DAP: variants seen among roughly 807,000 people sequenced by gnomAD.
DAP encodes death associated protein.
In DAP, 8 loss-of-function variants were observed where a neutral mutation model predicts 13.8. The observed-to-expected ratio is 0.58, with a 90% CI of 0.34 to 1.05. The LOEUF (loss-of-function observed/expected upper bound fraction) is 1.05. Ranked by LOEUF, DAP falls within the 50% of genes least tolerant of loss-of-function variation. The pLI, the probability that DAP is intolerant of heterozygous loss-of-function variation, is 0.03. For synonymous variants in DAP, 47 were observed against 47.5 expected (o/e 0.99, Z 0.04); for missense variants, 106 against 133.2 (o/e 0.80, Z 1.01).
chr5:10,721,185 T>C (rs1231941188), intron 2 of DAP, among the ~76,000 whole-genome samples: 1 of 152,194 alleles, frequency 6.6e-6, no homozygotes, highest in African/African-American at 2.4e-5. Context: ...CTCCAATATA[T>C]GTTACTGTTT....
chr5:10,693,122 A>ATG lies in DAP; in HGVS notation c.153-9552_153-9551insCA, dbSNP rs1553999137. ...TTCTGGGATGGGGAGAAACATGCAC[A>ATG]CGCACACACACACACACACACACAC... On this transcript the variant is annotated intron_variant, in intron 2 of 3. Coordinates refer to ENST00000230895, the MANE Select transcript of DAP (RefSeq NM_004394.3). 2.6e-4 allele frequency among the ~76,000 whole-genome samples: 11 copies of ATG among 42,348 alleles called. No individual in the cohort carries two copies. The Admixed American group carries it at 2.7e-3, about 10-fold the overall frequency. 27.8% of individuals were successfully genotyped at this position (42,348 alleles called of 152,430 possible).
At chr5:10,689,881 G>A (rs1738260053) in intron 2 of DAP, among the ~76,000 whole-genome samples, 1 of 152,152 alleles carries the variant, frequency 6.6e-6, no homozygotes, top group South Asian at 2.1e-4. Flanking sequence ...GACAGGGAAT[G>A]TCACTCAGTG....
intron 1 of DAP, among the ~76,000 whole-genome samples, chr5:10,751,723 TCTCTATAAGAGA>T (rs1265239155): frequency 6.6e-6 from 1 of 152,082 alleles, no homozygotes; most frequent in Non-Finnish European, 1.5e-5. Context: ...AGAAATGGTG[TCTCTATAAGAGA>T]AAGAGACACC....
chr5:10,688,943 A>C (rs62337568), intron 2 of DAP, among the ~76,000 whole-genome samples: 1 of 152,048 alleles, frequency 6.6e-6, no homozygotes, highest in African/African-American at 2.4e-5. Context: ...GCTATCAGGA[A>C]TCTGTCTCCA....
At chr5:10,709,800 A>G (rs147399415) in intron 2 of DAP, among the ~76,000 whole-genome samples, 2 of 152,356 alleles carry the variant, frequency 1.3e-5, no homozygotes, top group Non-Finnish European at 2.9e-5. Flanking sequence ...CCCACCTGGA[A>G]CATGTCCCAG....
chr5:10,692,527 C>T (rs1738332368), intron 2 of DAP, among the ~76,000 whole-genome samples: 1 of 152,200 alleles, frequency 6.6e-6, no homozygotes, highest in African/African-American at 2.4e-5. Context: ...CGCTCTTCCA[C>T]AGGACAGTCC....
intron 1 of DAP, among the ~76,000 whole-genome samples, chr5:10,760,373 GGCT>G (rs1379741345): frequency 1.3e-5 from 2 of 152,128 alleles, no homozygotes; most frequent in African/African-American, 4.8e-5. Context: ...GAAGCATGAA[GGCT>G]GCTTAGATCC....
intron 2 of DAP, among the ~76,000 whole-genome samples, chr5:10,701,666 G>A (rs1345633177): frequency 6.6e-6 from 1 of 152,154 alleles, no homozygotes; most frequent in Admixed American, 6.5e-5. Context: ...ACCAGTAGAG[G>A]GAGAATGAAC....
At chr5:10,700,351 C>A (rs944112929) in intron 2 of DAP, among the ~76,000 whole-genome samples, 4 of 152,174 alleles carry the variant, frequency 2.6e-5, no homozygotes, top group Non-Finnish European at 4.4e-5. Context: ...CCACCACCAT[C>A]TCTAAGGACA....
chr5:10,734,048 G>A (rs1242084809), intron 2 of DAP: 2 of 152,218 alleles, frequency 1.3e-5, no homozygotes, highest in African/African-American at 4.8e-5. Flanking sequence ...ATATGTTTAT[G>A]TAGTAAGAAA....
rs1054478354 is a variant in DAP, at chr5:10,707,087, C to T, written c.153-23516G>A. Among the ~76,000 whole-genome samples, 10 of 152,154 alleles carry T rather than the reference C, an allele frequency of 6.6e-5. No individual in the cohort carries two copies. The highest frequency in any genetic ancestry group is 3.3e-4 in the Admixed American group (5 of 15,274). On this transcript the variant is annotated intron_variant, in intron 2 of 3. Transcript: ENST00000230895. The surrounding 1 kb of genome is among the most constrained non-coding windows in gnomAD (Gnocchi z 4.0). ...GCCATGGGTCTGTCCCCAAGTCAGT[C>T]GGCCAGTTTGCAACGTCTGAGGTGG... is the stretch of plus-strand genomic sequence containing the variant.
At chr5:10,686,723 C>T (rs534471213) in intron 2 of DAP, among the ~76,000 whole-genome samples, 1 of 152,278 alleles carries the variant, frequency 6.6e-6, no homozygotes, top group South Asian at 2.1e-4. Flanking sequence ...GAAGCCATCT[C>T]CAGAAGATAA....
chr5:10,703,713 T>C (rs1738634157), intron 2 of DAP, among the ~76,000 whole-genome samples: 1 of 152,252 alleles, frequency 6.6e-6, no homozygotes, highest in Non-Finnish European at 1.5e-5. Flanking sequence ...ACTGCTGGCT[T>C]TGGCAGTAGC....
At chr5:10,712,186 G>A (rs987715577) in intron 2 of DAP, among the ~76,000 whole-genome samples, 3 of 152,114 alleles carry the variant, frequency 2.0e-5, no homozygotes, top group African/African-American at 7.2e-5. Flanking sequence ...GGAGAAGACG[G>A]CCATCTACAA....
intron 2 of DAP, among the ~76,000 whole-genome samples, chr5:10,741,147 T>G (rs755276057): frequency 2.0e-5 from 3 of 152,072 alleles, no homozygotes; most frequent in Non-Finnish European, 4.4e-5. Flanking sequence ...GCTCAAGAGT[T>G]TGAGACCAGC....
At chr5:10,695,950 T>C (rs960894469) in intron 2 of DAP, among the ~76,000 whole-genome samples, 3 of 151,998 alleles carry the variant, frequency 2.0e-5, no homozygotes, top group African/African-American at 4.8e-5. Context: ...AGATGACGTG[T>C]TCCACACTCT....
intron 2 of DAP, among the ~76,000 whole-genome samples, chr5:10,708,001 A>G (rs1196131505): frequency 6.6e-6 from 1 of 152,176 alleles, no homozygotes; most frequent in Non-Finnish European, 1.5e-5. Context: ...TTTAATATTA[A>G]GTACAAAGGA....
At chr5:10,752,531 G>A (rs1740072091) in intron 1 of DAP, among the ~76,000 whole-genome samples, 10 of 152,210 alleles carry the variant, frequency 6.6e-5, no homozygotes, top group Admixed American at 6.5e-4. Flanking sequence ...TTATTCAAAT[G>A]AGAGCTTCAA....
rs115205392 is a variant in DAP, at chr5:10,687,090, G to A, written c.153-3519C>T. On this transcript the variant is annotated intron_variant, in intron 2 of 3. Transcript: ENST00000230895. The stretch of plus-strand genomic sequence containing the variant: ...ATGGGATGACAGAGCCTGGATGACG[G>A]CACATTGGTTTACATCAAGGTTTAC... 5.0e-3 allele frequency among the ~76,000 whole-genome samples: 759 copies of A among 152,258 alleles called. 6 individuals carry two copies. The highest frequency in any genetic ancestry group is 0.017 in the African/African-American group (716 of 41,536).
Sources: allele counts gnomAD v4.1 joint callset (sites outside exome capture counted in the v4.1 genomes callset), GRCh38; gene constraint gnomAD v4.1.1; non-coding constraint Gnocchi (gnomAD v3.1); transcripts MANE v1.5; gene names NCBI Gene and HGNC (gene_info 2026-07-23, HGNC 2026-07-21).